Variants in NLGN4Y observed in about 807,000 individuals in gnomAD.
The protein encoded by NLGN4Y is neuroligin 4 Y-linked.
A neutral mutation model predicts 8.4 loss-of-function variants in NLGN4Y; 4 were observed. That is an observed-to-expected ratio of 0.48 (90% confidence interval 0.23 to 1.09). The LOEUF (loss-of-function observed/expected upper bound fraction) is 1.09, where lower values mean the gene tolerates loss of function less well. Among genes scored for constraint, NLGN4Y ranks in the 50% least tolerant of loss-of-function variants. The pLI is 0.19. For synonymous variants in NLGN4Y, 35 were observed against 75.6 expected (o/e 0.46, Z 2.78); for missense variants, 90 against 192.3 (o/e 0.47, Z 3.15).
At chrY:14,598,938 ATG>A (rs2080417235) in intron 1 of NLGN4Y, among the ~76,000 whole-genome samples, 6 of 25,028 alleles carry the variant, frequency 2.4e-4, no homozygotes, top group Non-Finnish European at 4.5e-4. Flanking sequence ...TAACATATAT[ATG>A]TGTGTGTGTG....
chrY:14,586,743 G>A (rs2080343241), intron 1 of NLGN4Y, among the ~76,000 whole-genome samples: 1 of 32,295 alleles, frequency 3.1e-5, no homozygotes, highest in Non-Finnish European at 7.5e-5. Context: ...CAGGAGAATC[G>A]CTTGAACCAG....
In NLGN4Y at chrY:14,622,082, C is replaced by A; in HGVS notation, c.-38C>A. The A allele has an allele frequency of 2.9e-6, 1 of 347,124 alleles. No homozygotes were observed. The highest frequency in any genetic ancestry group is 4.2e-6 in the Non-Finnish European group (1 of 236,622). The allele number at this position is 347,124 out of a possible 400,897, so 86.6% of individuals were successfully genotyped here. A position where few individuals can be genotyped will look rare whatever the true frequency, so the allele number is the denominator to read the frequency against. On this transcript the variant is annotated 5_prime_UTR_variant, in exon 2 of 7. Transcript: ENST00000684976. ...GAGCTTTGTCTCCTTGGAGCCACCTCACTTAGACAGCTTCGGATGTGGATG... is the reference window on the plus strand; with the variant it reads ...GAGCTTTGTCTCCTTGGAGCCACCTAACTTAGACAGCTTCGGATGTGGATG...
chrY:14,743,282 G>T (rs961961719), intron 4 of NLGN4Y, among the ~76,000 whole-genome samples: 2 of 32,502 alleles, frequency 6.2e-5, no homozygotes, highest in Non-Finnish European at 1.5e-4. Flanking sequence ...TCACTTGAGG[G>T]AAAGAGTTTG....
intron 1 of NLGN4Y, among the ~76,000 whole-genome samples, chrY:14,598,974 C>G (rs2080417503): frequency 4.4e-5 from 1 of 22,756 alleles, no homozygotes. Flanking sequence ...AAAGGATATA[C>G]AAATATACAT....
intron 6 of NLGN4Y, among the ~76,000 whole-genome samples, chrY:14,836,586 T>C (rs2043198464): frequency 6.5e-5 from 2 of 30,650 alleles, no homozygotes; most frequent in South Asian, 7.9e-4. Context: ...CCTCCGCCTC[T>C]GGGTTCAAGC....
intron 2 of NLGN4Y, among the ~76,000 whole-genome samples, chrY:14,668,175 A>T: frequency 6.0e-5 from 2 of 33,458 alleles, no homozygotes; most frequent in Non-Finnish European, 1.5e-4. Context: ...GAAACCAAAG[A>T]TGTGATACTG....
intron 2 of NLGN4Y, chrY:14,640,212 C>G: frequency 8.4e-6 from 1 of 119,621 alleles, no homozygotes; most frequent in East Asian, 2.5e-4. Flanking sequence ...GTGCACTTTG[C>G]TTGTTGCCAA....
At chrY:14,775,267 C>A (rs2081121484) in intron 4 of NLGN4Y, among the ~76,000 whole-genome samples, 1 of 32,992 alleles carries the variant, frequency 3.0e-5, no homozygotes, top group Non-Finnish European at 7.4e-5. Context: ...AAATAAAATG[C>A]AGGTTATTCT....
chrY:14,747,241 T>A, intron 4 of NLGN4Y, among the ~76,000 whole-genome samples: 2 of 32,738 alleles, frequency 6.1e-5, no homozygotes, highest in African/African-American at 1.2e-4. Flanking sequence ...TTGGGCCAGA[T>A]CTCTCTCATG....
At chrY:14,530,227 T>C (rs2080106684) in intron 1 of NLGN4Y, among the ~76,000 whole-genome samples, 1 of 30,392 alleles carries the variant, frequency 3.3e-5, no homozygotes, top group African/African-American at 1.3e-4. Context: ...CACTTGAACA[T>C]AGGAGTTCAT....
chrY:14,710,790 C>G, intron 2 of NLGN4Y, among the ~76,000 whole-genome samples: 1 of 33,542 alleles, frequency 3.0e-5, no homozygotes, highest in Non-Finnish European at 7.4e-5. Flanking sequence ...TATAAACTGT[C>G]AATATATTAT....
intron 2 of NLGN4Y, among the ~76,000 whole-genome samples, chrY:14,700,681 T>A: frequency 3.0e-5 from 1 of 33,292 alleles, no homozygotes; most frequent in Non-Finnish European, 7.4e-5. Flanking sequence ...AATAGCTTGA[T>A]CTCATTGACT....
At chrY:14,598,960 G>A (rs2150497252) in intron 1 of NLGN4Y, among the ~76,000 whole-genome samples, 1 of 25,068 alleles carries the variant, frequency 4.0e-5, no homozygotes, top group East Asian at 1.0e-3. Context: ...GTGTCTGTGT[G>A]TGTAAAGGAT....
At chrY:14,560,195 A>G (rs2150474956) in intron 1 of NLGN4Y, among the ~76,000 whole-genome samples, 1 of 33,219 alleles carries the variant, frequency 3.0e-5, no homozygotes, top group South Asian at 6.6e-4. Flanking sequence ...TATTTCTCTT[A>G]TGGAATGTCA....
At chrY:14,707,451 A>T (rs765547523) in intron 2 of NLGN4Y, among the ~76,000 whole-genome samples, 1 of 31,067 alleles carries the variant, frequency 3.2e-5, no homozygotes, top group Non-Finnish European at 7.7e-5. Context: ...AATACATATA[A>T]ACATCTTTGG....
chrY:14,761,693 T>C (rs2081079733), intron 4 of NLGN4Y, among the ~76,000 whole-genome samples: 1 of 34,108 alleles, frequency 2.9e-5, no homozygotes, highest in African/African-American at 1.1e-4. Context: ...TAATCCACAG[T>C]CAGATTTGTC....
chrY:14,621,978 A>C, intron 1 of NLGN4Y, 31 bp from the exon 2 acceptor site: 1 of 184,755 alleles, frequency 5.4e-6, no homozygotes, highest in Non-Finnish European at 1.0e-5. Flanking sequence ...GTGTGGCTTC[A>C]TTATTCTTGT....
intron 4 of NLGN4Y, among the ~76,000 whole-genome samples, chrY:14,747,183 T>C: frequency 3.1e-5 from 1 of 32,436 alleles, no homozygotes; most frequent in East Asian, 8.2e-4. Context: ...TGTGTTGAAA[T>C]TTGATCCCCA....
At chrY:14,576,240 G>T (rs75992241) in intron 1 of NLGN4Y, among the ~76,000 whole-genome samples, 1 of 33,657 alleles carries the variant, frequency 3.0e-5, no homozygotes, top group Admixed American at 2.6e-4. Context: ...GCCCCACCCA[G>T]TTCGAGCTTT....
Sources: gnomAD v4.1 joint callset for allele counts (sites outside exome capture counted in the v4.1 genomes callset) on GRCh38, gnomAD v4.1.1 for gene constraint, MANE v1.5 for transcripts, NCBI Gene and HGNC (gene_info 2026-07-23, HGNC 2026-07-21) for gene names.